The following ADARB2 variants were observed in gnomAD, a reference collection of about 807,000 sequenced individuals.
The protein encoded by ADARB2 is adenosine deaminase RNA specific B2 (inactive).
Under a neutral mutation model 62.2 loss-of-function variants are expected in ADARB2, and 25 were observed. The ratio of observed to expected loss-of-function variants is 0.40; its 90% confidence interval spans 0.29 to 0.56. The LOEUF is 0.56. Among genes scored for constraint, ADARB2 ranks in the 20% least tolerant of loss-of-function variants. The pLI is 0.43. For missense variants in ADARB2, 1,071 were observed against 1,077.4 expected, an observed-to-expected ratio of 0.99 and a Z score of 0.08; for synonymous variants, 572 against 500.8, an observed-to-expected ratio of 1.14 and a Z score of -1.90.
Position 1,663,387 on chromosome 10 carries a change from C to T in ADARB2, c.100+73664G>A, listed in dbSNP as rs181302825. ...TCTCCCCGCCGTGGCTGCTACAGAG[C>T]GCTGCTACAGAGCGCTGCCACTCCC... is the stretch of plus-strand genomic sequence containing the variant. On this transcript the variant is annotated intron_variant, in intron 1 of 9. Coordinates refer to ENST00000381312, the MANE Select transcript of ADARB2 (RefSeq NM_018702.4). Among the ~76,000 whole-genome samples, 42 of 152,262 alleles carry T rather than the reference C, an allele frequency of 2.8e-4. No homozygotes were observed. In the East Asian group the frequency reaches 8.1e-3, roughly 29 times the overall value.
intron 1 of ADARB2, among the ~76,000 whole-genome samples, chr10:1,397,800 C>T (rs865827331): frequency 4.1e-5 from 2 of 48,594 alleles, no homozygotes; most frequent in East Asian, 5.1e-4. Flanking sequence ...GGTCACCGTC[C>T]GTCTCTCCCC....
At chr10:1,617,679 C>T (rs1588325736) in intron 1 of ADARB2, among the ~76,000 whole-genome samples, 1 of 151,020 alleles carries the variant, frequency 6.6e-6, no homozygotes, top group East Asian at 2.0e-4. Context: ...CAGACACACT[C>T]CACACCGCCC....
chr10:1,453,685 G>T (rs370111151), intron 1 of ADARB2, among the ~76,000 whole-genome samples: 6 of 152,170 alleles, frequency 3.9e-5, no homozygotes, highest in Admixed American at 1.3e-4. Flanking sequence ...TAAAAAATAG[G>T]CACAAGACTT....
chr10:1,512,415 A>G (rs1266379695), intron 1 of ADARB2, among the ~76,000 whole-genome samples: 1 of 150,488 alleles, frequency 6.6e-6, no homozygotes, highest in Non-Finnish European at 1.5e-5. Context: ...ACATCAATTA[A>G]GTCTACACTG....
intron 3 of ADARB2, among the ~76,000 whole-genome samples, chr10:1,347,277 G>C (rs1167672308): frequency 6.6e-6 from 1 of 152,212 alleles, no homozygotes; most frequent in African/African-American, 2.4e-5. Flanking sequence ...TCGTGTCAGA[G>C]GACCGAGGCC....
intron 1 of ADARB2, among the ~76,000 whole-genome samples, chr10:1,569,264 G>C (rs914727580): frequency 6.6e-6 from 1 of 151,620 alleles, no homozygotes; most frequent in African/African-American, 2.4e-5. Context: ...GACAGAGAGC[G>C]AGAGAGAGAG....
intron 1 of ADARB2, among the ~76,000 whole-genome samples, chr10:1,528,488 G>A (rs763634096): frequency 1.9e-4 from 29 of 152,194 alleles, no homozygotes; most frequent in Non-Finnish European, 4.0e-4. Flanking sequence ...TGATGATAAT[G>A]GTGTGAGGAA....
chr10:1,537,659 G>T (rs766688194), intron 1 of ADARB2, among the ~76,000 whole-genome samples: 2 of 152,224 alleles, frequency 1.3e-5, no homozygotes, highest in Admixed American at 6.5e-5. Context: ...CATGTCCTTT[G>T]CAGGGAGATG....
chr10:1,602,737 GAC>G (rs1006096133), intron 1 of ADARB2, among the ~76,000 whole-genome samples: 1 of 123,782 alleles, frequency 8.1e-6, no homozygotes, highest in Admixed American at 8.1e-5. Flanking sequence ...TGTACATACA[GAC>G]ACACAACACA....
chr10:1,195,087 C>T (rs577412548), intron 8 of ADARB2, among the ~76,000 whole-genome samples: 62 of 152,334 alleles, frequency 4.1e-4, no homozygotes, highest in Non-Finnish European at 7.3e-4. Context: ...CAGGCCGACC[C>T]GCCCCCTTAG....
At chr10:1,554,119 C>T (rs765080203) in intron 1 of ADARB2, among the ~76,000 whole-genome samples, 1 of 152,152 alleles carries the variant, frequency 6.6e-6, no homozygotes, top group Non-Finnish European at 1.5e-5. Context: ...CTCATCTCAG[C>T]GGCCCTATTT....
intron 3 of ADARB2, among the ~76,000 whole-genome samples, chr10:1,312,793 A>G (rs1404563583): frequency 6.6e-6 from 1 of 152,194 alleles, no homozygotes; most frequent in Non-Finnish European, 1.5e-5. Context: ...CATGCTGCAC[A>G]CAGCTGCCAT....
rs148349741 is a variant in ADARB2 at position 1,375,069 on chromosome 10, C to T, written c.187+4005G>A. On this transcript the variant is annotated intron_variant, in intron 2 of 9. Coordinates refer to ENST00000381312, the MANE Select transcript of ADARB2 (RefSeq NM_018702.4). ...TCCTTCAAAGACTCGTCACGCAGGA[C>T]CCCATGGGGCTGGGCCTGTGGTGCA... 3.7e-4 allele frequency among the ~76,000 whole-genome samples: 57 copies of T among 152,216 alleles called. 1 individual carries two copies. The highest frequency in any genetic ancestry group is 1.3e-3 in the African/African-American group (55 of 41,518).
chr10:1,292,705 C>A (rs905770588), intron 3 of ADARB2: 1 of 152,176 alleles, frequency 6.6e-6, no homozygotes. Flanking sequence ...TTGGGTCTCC[C>A]GGCTGAGGCT....
chr10:1,672,217 G>A (rs564413829), intron 1 of ADARB2, among the ~76,000 whole-genome samples: 4 of 152,114 alleles, frequency 2.6e-5, no homozygotes, highest in Non-Finnish European at 5.9e-5. Flanking sequence ...CCAACGCCCC[G>A]TCTTTCAACC....
intron 1 of ADARB2, among the ~76,000 whole-genome samples, chr10:1,564,183 C>G (rs998563350): frequency 2.0e-5 from 3 of 152,152 alleles, no homozygotes; most frequent in African/African-American, 7.2e-5. Context: ...ATTTCTAGTT[C>G]TAGATCCCTG....
At chr10:1,685,405 C>T (rs535427461) in intron 1 of ADARB2, among the ~76,000 whole-genome samples, 1 of 152,198 alleles carries the variant, frequency 6.6e-6, no homozygotes, top group African/African-American at 2.4e-5. Flanking sequence ...CTTCACCTTT[C>T]CCCCTTCTTC....
intron 5 of ADARB2, 149 bp downstream of exon 5, chr10:1,241,982 T>C (rs1385173291): frequency 7.7e-5 from 66 of 852,108 alleles, no homozygotes; most frequent in Non-Finnish European, 1.1e-4. Context: ...GGGATGTCTC[T>C]AGTCTGAATA....
intron 3 of ADARB2, among the ~76,000 whole-genome samples, chr10:1,353,566 C>A (rs935403944): frequency 6.6e-6 from 1 of 152,194 alleles, no homozygotes; most frequent in Non-Finnish European, 1.5e-5. Context: ...TCCGCACTTA[C>A]TTAAAAAACC....
Sources: allele counts gnomAD v4.1 joint callset (sites outside exome capture counted in the v4.1 genomes callset), GRCh38; gene constraint gnomAD v4.1.1; transcripts MANE v1.5; gene names NCBI Gene and HGNC (gene_info 2026-07-23, HGNC 2026-07-21).